The following MRC1 variants were observed in gnomAD, a reference collection of about 807,000 sequenced individuals.
MRC1 encodes the protein macrophage mannose receptor 1.
In MRC1, 62 loss-of-function variants were observed where a neutral mutation model predicts 102.9. The observed-to-expected ratio is 0.60, with a 90% CI of 0.49 to 0.74. MRC1 has a LOEUF of 0.74. MRC1 is among the 30% of genes least tolerant of loss of function. The pLI, the probability that MRC1 is intolerant of heterozygous loss-of-function variation, is 0.00. For missense variants in MRC1, 1,237 were observed against 862.8 expected (o/e 1.43, Z -5.43); for synonymous variants, 457 against 298.4 (o/e 1.53, Z -5.48).
At chr10:17,877,750 G>T (rs1157107678) in intron 17 of MRC1, 150 bp from the exon 18 acceptor site, 16 of 687,008 alleles carry the variant, frequency 2.3e-5, no homozygotes, top group Non-Finnish European at 4.0e-5. Flanking sequence ...TTTCTAGGAA[G>T]AACATAATAT....
intron 4 of MRC1, among the ~76,000 whole-genome samples, chr10:17,836,045 G>A (rs1298841316): frequency 6.6e-6 from 1 of 152,208 alleles, no homozygotes; most frequent in Admixed American, 6.5e-5. Context: ...CTGTGAAACT[G>A]GGGGAGCTTG....
intron 2 of MRC1, among the ~76,000 whole-genome samples, chr10:17,824,316 A>G (rs1314704210): frequency 2.0e-5 from 3 of 152,220 alleles, no homozygotes; most frequent in Non-Finnish European, 4.4e-5. Context: ...ATACTTCGTT[A>G]TTGTGAAGTG....
intron 14 of MRC1, 105 bp downstream of exon 14, chr10:17,871,040 T>C (rs1456573075): frequency 5.2e-6 from 4 of 772,394 alleles, no homozygotes; most frequent in Admixed American, 1.9e-5. Context: ...TTCATTATGA[T>C]AGCCACTATC....
intron 3 of MRC1, among the ~76,000 whole-genome samples, chr10:17,831,476 G>T (rs1838571826): frequency 6.6e-6 from 1 of 151,284 alleles, no homozygotes; most frequent in Non-Finnish European, 1.5e-5. Context: ...TCTTTGATAT[G>T]TCATGGGACC....
At position 17,845,385 on chromosome 10, in the gene MRC1, A is replaced by G. The variant is rs1554840147; in HGVS notation, c.1013A>G (p.Tyr338Cys). 3 of 780,884 alleles carry G rather than the reference A, an allele frequency of 3.8e-6. No individual in the cohort carries two copies. Among genetic ancestry groups the G allele is most frequent in the South Asian group, 1.3e-5 (1 of 74,616 alleles). The allele number at this position is 780,884 out of a possible 1,614,324, so 48.4% of individuals were successfully genotyped here. The change falls in exon 6 of 30, where the codon TAT becomes TGT. Residue 338 changes from tyrosine (Y) to cysteine (C), a missense_variant. Physicochemically the swap from Tyr to Cys is radical, Grantham distance 194 (BLOSUM62 -2). Coordinates refer to ENST00000569591, the MANE Select transcript of MRC1 (RefSeq NM_002438.4). ...ENLECVQKLG[Y>C]ICKKGNTTLN... ...CTGGAATGTGTTCAGAAACTGGGCT[A>G]TATTTGCAAAAAGGGCAACACCACT...
intron 2 of MRC1, among the ~76,000 whole-genome samples, 142 bp from the exon 3 acceptor site, chr10:17,827,372 CAAAAAAAAAAAAAAAAAAAAAAAAAAAA>C (rs782616938): frequency 9.4e-5 from 6 of 64,052 alleles, no homozygotes; most frequent in Non-Finnish European, 3.1e-5. Context: ...AAAAAATACC[CAAAAAAAAAAAAAAAAAAAAAAAAAAAA>C]AAAAAAAAAA....
At chr10:17,888,469 TTTCA>T (rs1161356301) in intron 22 of MRC1, among the ~76,000 whole-genome samples, 2 of 152,338 alleles carry the variant, frequency 1.3e-5, no homozygotes, top group East Asian at 1.9e-4. Flanking sequence ...TCTTAAGTAC[TTTCA>T]TTCAGAAAAA....
In MRC1 at chr10:17,871,961, AG is replaced by A. The variant is rs1384806686; in HGVS notation, c.2200-20del. The A allele has an allele frequency of 6.4e-6, 5 of 779,690 alleles. No individual in the cohort carries two copies. In the African/African-American group the frequency reaches 6.8e-5, roughly 11 times the overall value. The allele number at this position is 779,690 out of a possible 1,614,324, so 48.3% of individuals were successfully genotyped here. A position where few individuals can be genotyped will look rare whatever the true frequency, so the allele number is the denominator to read the frequency against. On this transcript the variant is annotated intron_variant, in intron 14 of 29. Transcript: ENST00000569591. ...CTTGATACAAATGGTTAATGGTTGT[AG>A]TTTAATGTTTCTAATATAGGTTTCA... is the stretch of plus-strand genomic sequence containing the variant.
At chr10:17,886,570 T>G (rs1239060444) in intron 22 of MRC1, among the ~76,000 whole-genome samples, 5 of 152,070 alleles carry the variant, frequency 3.3e-5, no homozygotes, top group African/African-American at 1.2e-4. Context: ...CCTGACTAAT[T>G]TTTGCATTTT....
intron 17 of MRC1, among the ~76,000 whole-genome samples, chr10:17,877,470 T>C (rs1212288241): frequency 2.3e-4 from 34 of 150,786 alleles, no homozygotes; most frequent in Admixed American, 1.1e-3. Flanking sequence ...ATATATATTT[T>C]GTATATATAT....
intron 7 of MRC1, among the ~76,000 whole-genome samples, chr10:17,851,568 G>T (rs1838917201): frequency 6.6e-6 from 1 of 152,184 alleles, no homozygotes; most frequent in South Asian, 2.1e-4. Context: ...GATCAAGATT[G>T]TGCTTAGGAA....
intron 4 of MRC1, among the ~76,000 whole-genome samples, chr10:17,839,056 G>GATA (rs1186390108): frequency 2.6e-5 from 4 of 151,674 alleles, no homozygotes; most frequent in East Asian, 1.9e-4. Context: ...TGAAGCTATT[G>GATA]ATAATAATAA....
At position 17,866,719 on chromosome 10, in the gene MRC1, G is replaced by A. The variant is rs782815704; in HGVS notation, c.1941G>A (p.Pro647=). The A allele has an allele frequency of 2.1e-4, 164 of 780,802 alleles. 1 individual carries two copies. The highest frequency in any genetic ancestry group is 1.7e-3 in the South Asian group (124 of 74,612). The allele number at this position is 780,802 out of a possible 1,614,324, so 48.4% of individuals were successfully genotyped here. The change falls in exon 12 of 30, where the codon CCG becomes CCA. Residue 647 remains proline (P), a synonymous_variant. Transcript: ENST00000569591. ...KPTTTPEPKC[P]EDWGASSRTS... ...CGACGACTCCCGAACCCAAATGTCC[G>A]GAGGATTGGGGCGCCAGCAGTAGAA...
At chr10:17,851,697 A>G (rs1589178165) in intron 7 of MRC1, among the ~76,000 whole-genome samples, 1 of 152,342 alleles carries the variant, frequency 6.6e-6, no homozygotes, top group East Asian at 1.9e-4. Context: ...TGAGGGGTAC[A>G]TGAGGTCACT....
rs977533377 is a variant in MRC1, at chr10:17,852,886, A to G, written c.1250-81A>G. On this transcript the variant is annotated intron_variant, in intron 7 of 29. Coordinates refer to ENST00000569591, the MANE Select transcript of MRC1 (RefSeq NM_002438.4). ...GGAGGTAGAGCCCTGTTGATAAAGCAGAGTGCCTTCCGTTCCTTTTACCCC... is the reference window on the plus strand; with the variant it reads ...GGAGGTAGAGCCCTGTTGATAAAGCGGAGTGCCTTCCGTTCCTTTTACCCC... The G allele has an allele frequency of 6.5e-5, 51 of 779,336 alleles. No homozygotes were observed. The African/African-American group carries it at 8.3e-4, about 13-fold the overall frequency. The allele number at this position is 779,336 out of a possible 1,614,324, so 48.3% of individuals were successfully genotyped here. A position where few individuals can be genotyped will look rare whatever the true frequency, so the allele number is the denominator to read the frequency against.
chr10:17,837,735 G>C (rs933988430), intron 4 of MRC1, among the ~76,000 whole-genome samples: 3 of 151,776 alleles, frequency 2.0e-5, no homozygotes, highest in Non-Finnish European at 4.4e-5. Flanking sequence ...TGAGTAGCTG[G>C]GGCTACAGGC....
chr10:17,901,226 C>G (rs1479658264), intron 25 of MRC1, among the ~76,000 whole-genome samples: 2 of 152,164 alleles, frequency 1.3e-5, no homozygotes, highest in African/African-American at 4.8e-5. Flanking sequence ...GTAGATTCAT[C>G]AGAGTCAATG....
In MRC1 at chr10:17,875,108, A is replaced by G. The variant is rs965038953; in HGVS notation, c.2405A>G (p.Asp802Gly). Residue 802 changes from aspartate (D) to glycine (G), a missense_variant, in exon 17 of 30, where the codon GAT becomes GGT. Coordinates refer to ENST00000569591, the MANE Select transcript of MRC1 (RefSeq NM_002438.4). ...APQDNPPVTE[D>G]GWVIYKDYQY... is the part of the protein sequence containing the mutation. ...TTTTCAGATCCACCAGTTACTGAAG[A>G]TGGGTGGGTTATTTACAAAGACTAC... is the stretch of plus-strand genomic sequence containing the variant. The G allele has an allele frequency of 1.7e-5, 13 of 780,714 alleles. No individual in the cohort carries two copies. The Middle Eastern group carries it at 6.7e-4, about 40-fold the overall frequency. The allele number at this position is 780,714 out of a possible 1,614,324, so 48.4% of individuals were successfully genotyped here. A position where few individuals can be genotyped will look rare whatever the true frequency, so the allele number is the denominator to read the frequency against.
intron 4 of MRC1, among the ~76,000 whole-genome samples, chr10:17,835,439 C>T (rs1838648154): frequency 6.6e-6 from 1 of 152,064 alleles, no homozygotes; most frequent in Admixed American, 6.6e-5. Context: ...GCTTAAAAGT[C>T]CAATGGGAAG....
Sources: gnomAD v4.1 joint callset for allele counts (sites outside exome capture counted in the v4.1 genomes callset) on GRCh38, gnomAD v4.1.1 for gene constraint, MANE v1.5 for transcripts, NCBI Gene and HGNC (gene_info 2026-07-23, HGNC 2026-07-21) for gene names.